The following DGKH variants were observed in gnomAD, a reference collection of about 807,000 sequenced individuals.
The protein encoded by DGKH is diacylglycerol kinase eta.
In DGKH, 90 loss-of-function variants were observed where a neutral mutation model predicts 159.3. The observed-to-expected ratio is 0.57, with a 90% CI of 0.48 to 0.67. DGKH has a LOEUF of 0.67. Ranked by LOEUF, DGKH falls within the 30% of genes least tolerant of loss-of-function variation. The pLI is 0.00. For missense variants in DGKH, 1,181 were observed against 1,506.1 expected (o/e 0.78, Z 3.57); for synonymous variants, 536 against 553.8 (o/e 0.97, Z 0.45).
At chr13:42,080,143 T>TACAAAATTAAAA (rs1238909123) in intron 1 of DGKH, among the ~76,000 whole-genome samples, 3 of 152,226 alleles carry the variant, frequency 2.0e-5, no homozygotes, top group African/African-American at 7.2e-5. Flanking sequence ...CAAAATTAAA[T>TACAAAATTAAAA]TGCTACTTAA....
chr13:42,053,352 TTATATATATAAC>T (rs1201273914), intron 1 of DGKH, among the ~76,000 whole-genome samples: 10 of 148,138 alleles, frequency 6.8e-5, no homozygotes, highest in East Asian at 1.9e-4. Context: ...CTACTACTAA[TTATATATATAAC>T]TATATATATA....
At chr13:42,098,707 AAT>A (rs377027964) in intron 1 of DGKH, among the ~76,000 whole-genome samples, 27 of 152,360 alleles carry the variant, frequency 1.8e-4, no homozygotes, top group African/African-American at 6.3e-4. Flanking sequence ...CAAATAATTT[AAT>A]CTTAAATTTG....
In DGKH at chr13:42,233,244, A is replaced by C. The variant is rs141645800; in HGVS notation, c.*4056A>C. On this transcript the variant is annotated 3_prime_UTR_variant, in exon 30 of 30. Transcript: ENST00000337343. ...ATGTAGAAAATTTCCATCACTGCAA[A>C]AATTCTATTGGACAGCACTGGTGCA... 3 of 152,326 alleles carry C rather than the reference A, an allele frequency of 2.0e-5. No individual in the cohort carries two copies. In the East Asian group the frequency reaches 5.8e-4, roughly 29 times the overall value. The allele number at this position is 152,326 out of a possible 1,614,324, so 9.4% of individuals were successfully genotyped here. A position where few individuals can be genotyped will look rare whatever the true frequency, so the allele number is the denominator to read the frequency against.
chr13:42,240,223 TTCCACATGAAAG>T lies in DGKH; in HGVS notation c.*11045_*11056del, dbSNP rs1958490651. On this transcript the variant is annotated 3_prime_UTR_variant, in exon 30 of 30. Transcript: ENST00000337343. ...TACTTTCACAAACAAAGGCTTAGAA[TTCCACATGAAAG>T]TCCACATGAGGTAAGTGTGCATTCA... 6.6e-6 allele frequency: 1 copy of T among 152,206 alleles called. No homozygotes were observed. The highest frequency in any genetic ancestry group is 2.4e-5 in the African/African-American group (1 of 41,444). The allele number at this position is 152,206 out of a possible 1,614,324, so 9.4% of individuals were successfully genotyped here. A position where few individuals can be genotyped will look rare whatever the true frequency, so the allele number is the denominator to read the frequency against.
At chr13:42,077,539 C>G (rs1954123077) in intron 1 of DGKH, among the ~76,000 whole-genome samples, 1 of 152,250 alleles carries the variant, frequency 6.6e-6, no homozygotes, top group South Asian at 2.1e-4. Flanking sequence ...CAAGGAATGA[C>G]AAATACAGTT....
rs995894842 is a variant in DGKH at position 42,230,884 on chromosome 13, T to C, written c.*1696T>C. The C allele has an allele frequency of 1.3e-5, 2 of 152,202 alleles. No homozygotes were observed. The highest frequency in any genetic ancestry group is 6.5e-5 in the Admixed American group (1 of 15,272). The allele number at this position is 152,202 out of a possible 1,614,324, so 9.4% of individuals were successfully genotyped here. A position where few individuals can be genotyped will look rare whatever the true frequency, so the allele number is the denominator to read the frequency against. Reference sequence around the variant, plus strand: ...ATTACATCAAAGGAGTTTAACTGTTTGACACTTTACTCTTGTTTATAACTT... The same window carrying C: ...ATTACATCAAAGGAGTTTAACTGTTCGACACTTTACTCTTGTTTATAACTT... On this transcript the variant is annotated 3_prime_UTR_variant, in exon 30 of 30. Coordinates refer to ENST00000337343, the MANE Select transcript of DGKH (RefSeq NM_178009.5).
Position 42,160,025 on chromosome 13 carries a change from C to T in DGKH, c.744C>T (p.His248=), listed in dbSNP as rs770222067. The T allele has an allele frequency of 3.9e-5, 63 of 1,614,080 alleles. 1 individual carries two copies. In the South Asian group the frequency reaches 6.3e-4, roughly 16 times the overall value. ...IEDEDGVAMP[H]QWLEGNLPVS... Reference sequence around the variant, plus strand: ...CTTCTCCACAGGTCGCGATGCCTCACCAGTGGCTTGAGGGCAACCTGCCTG... The same window carrying T: ...CTTCTCCACAGGTCGCGATGCCTCATCAGTGGCTTGAGGGCAACCTGCCTG... Residue 248 remains histidine (H), a synonymous_variant, in exon 7 of 30, where the codon CAC becomes CAT. Coordinates refer to ENST00000337343, the MANE Select transcript of DGKH (RefSeq NM_178009.5).
At chr13:42,181,510 G>A in intron 13 of DGKH, 1 of 204,358 alleles carries the variant, frequency 4.9e-6, no homozygotes, top group East Asian at 1.3e-4. Flanking sequence ...CACCTCCTTG[G>A]AACCCTCACT....
chr13:42,227,157 G>A (rs1958153917), intron 29 of DGKH, among the ~76,000 whole-genome samples: 2 of 152,088 alleles, frequency 1.3e-5, no homozygotes, highest in Non-Finnish European at 2.9e-5. Flanking sequence ...TGCCTGTGGG[G>A]CTTACTACCT....
chr13:42,133,577 T>C (rs1429968343), intron 3 of DGKH, among the ~76,000 whole-genome samples: 1 of 152,092 alleles, frequency 6.6e-6, no homozygotes, highest in African/African-American at 2.4e-5. Flanking sequence ...GTGCCTGTAG[T>C]GCCAGCTATT....
In DGKH at chr13:42,189,213, C is replaced by T. The variant is rs35776153; in HGVS notation, c.1816C>T (p.Pro606Ser). 37 of 1,614,086 alleles carry T rather than the reference C, an allele frequency of 2.3e-5. No individual in the cohort carries two copies. The highest frequency in any genetic ancestry group is 1.6e-4 in the Middle Eastern group (1 of 6,084). The change falls in exon 15 of 30, where the codon CCT becomes TCT. Residue 606 changes from proline to serine, a missense_variant. Pro to Ser is a moderately conservative substitution (Grantham distance 74). Around this residue, in one of 5 missense-constraint regions of DGKH, gnomAD observed 257 missense variants for 281.5 expected, o/e 0.91. Transcript: ENST00000337343. ...KEQLGDDVTK[P>S]SSQKAVKPRE... ...GCAGCTTGGGGATGACGTTACAAAA[C>T]CTTCCTCCCAGAAAGCCGTCAAACC...
intron 29 of DGKH, among the ~76,000 whole-genome samples, chr13:42,221,868 T>C (rs1469481550): frequency 6.6e-6 from 1 of 152,240 alleles, no homozygotes; most frequent in Non-Finnish European, 1.5e-5. Context: ...TTACAATTTG[T>C]TGTATTTCTA....
At chr13:42,059,133 A>C (rs572287859) in intron 1 of DGKH, among the ~76,000 whole-genome samples, 1 of 152,224 alleles carries the variant, frequency 6.6e-6, no homozygotes, top group African/African-American at 2.4e-5. Context: ...AATTATTATA[A>C]TTATTTTAAA....
rs191977582 is a variant in DGKH at position 42,138,000 on chromosome 13, C to T, written c.384+8368C>T. On this transcript the variant is annotated intron_variant, in intron 3 of 29. Transcript: ENST00000337343. ...TAACAGAGAACTTTCTAACTTGAGT[C>T]ATCTGATAGAACAGGCCCCTTGTGA... 5.5e-5 allele frequency: 41 copies of T among 739,558 alleles called. No individual in the cohort carries two copies. The African/African-American group carries it at 7.6e-4, about 14-fold the overall frequency. The allele number at this position is 739,558 out of a possible 1,614,324, so 45.8% of individuals were successfully genotyped here.
At chr13:42,078,533 A>G (rs1351872352) in intron 1 of DGKH, among the ~76,000 whole-genome samples, 1 of 152,220 alleles carries the variant, frequency 6.6e-6, no homozygotes, top group African/African-American at 2.4e-5. Flanking sequence ...GCAGAACTCA[A>G]ATCACATCCA....
Position 42,219,740 on chromosome 13 carries a change from G to A in DGKH, c.3388G>A (p.Val1130Met). The A allele has an allele frequency of 6.2e-7, 1 of 1,613,830 alleles. No homozygotes were observed. The highest frequency in any genetic ancestry group is 8.5e-7 in the Non-Finnish European group (1 of 1,179,836). Residue 1130 changes from valine to methionine, a missense_variant, in exon 28 of 30, where the codon GTG becomes ATG. Physicochemically the swap from Val to Met is conservative, Grantham distance 21. Transcript: ENST00000337343. ...RNNRSTVFRI[V>M]PKFKKEKVQK... is the part of the protein sequence containing the mutation. ...CAACAGAAGCACCGTATTTCGAATA[G>A]TGCCAAAGTTTAAAAAGGAAAAGGT...
chr13:42,100,663 A>G (rs1216129192), intron 1 of DGKH, among the ~76,000 whole-genome samples: 3 of 152,238 alleles, frequency 2.0e-5, no homozygotes, highest in Admixed American at 6.5e-5. Flanking sequence ...AGTTGAATTT[A>G]CATTAATAAA....
chr13:42,195,461 C>T (rs7986154), intron 17 of DGKH, among the ~76,000 whole-genome samples: 18,154 of 152,184 alleles, frequency 0.12, 1,541 homozygotes, highest in East Asian at 0.4. Context: ...GAGATCACAC[C>T]ACTGCACTCC....
chr13:42,093,627 A>G (rs1435263780), intron 1 of DGKH, among the ~76,000 whole-genome samples: 1 of 152,224 alleles, frequency 6.6e-6, no homozygotes, highest in East Asian at 1.9e-4. Flanking sequence ...TAAACAGACG[A>G]ATGGGTAAAG....
Sources: allele counts gnomAD v4.1 joint callset (sites outside exome capture counted in the v4.1 genomes callset), GRCh38; gene constraint gnomAD v4.1.1; regional missense constraint gnomAD v4.1.1; transcripts MANE v1.5; gene names NCBI Gene and HGNC (gene_info 2026-07-23, HGNC 2026-07-21).